The following EXOC4 variants were observed in gnomAD, a reference collection of about 807,000 sequenced individuals.
EXOC4 encodes the protein SEC8-like 1.
EXOC4 carries 71 observed loss-of-function variants against 107.2 expected under a neutral mutation model. The ratio of observed to expected loss-of-function variants is 0.66; its 90% CI spans 0.55 to 0.81. The LOEUF (loss-of-function observed/expected upper bound fraction) is 0.81, where lower values mean the gene tolerates loss of function less well. EXOC4 is among the 30% of genes least tolerant of loss of function. The probability of loss-of-function intolerance (pLI) is 0.00; values close to 1 mark genes in which losing one functional copy is unlikely to be tolerated. For synonymous variants in EXOC4, 456 were observed against 441.2 expected, an observed-to-expected ratio of 1.03 and a Z score of -0.42; for missense variants, 1,108 against 1,189.6, an observed-to-expected ratio of 0.93 and a Z score of 1.01.
At chr7:133,983,541 A>G (rs969344691) in intron 14 of EXOC4, among the ~76,000 whole-genome samples, 6 of 152,120 alleles carry the variant, frequency 3.9e-5, no homozygotes, top group Non-Finnish European at 5.9e-5. Context: ...CCAATTTTAA[A>G]TTGTCCTAAT....
intron 7 of EXOC4, among the ~76,000 whole-genome samples, chr7:133,453,385 A>G (rs1022229190): frequency 6.6e-6 from 1 of 152,288 alleles, no homozygotes; most frequent in Non-Finnish European, 1.5e-5. Flanking sequence ...ATTGTTATCA[A>G]AGTATCAAAA....
chr7:133,276,853 T>C (rs2150526934), intron 2 of EXOC4, among the ~76,000 whole-genome samples: 1 of 152,346 alleles, frequency 6.6e-6, no homozygotes, highest in East Asian at 1.9e-4. Context: ...CTTCTACAAA[T>C]ACTGATGATA....
intron 11 of EXOC4, among the ~76,000 whole-genome samples, chr7:133,873,100 G>C (rs1282216401): frequency 6.6e-6 from 1 of 152,230 alleles, no homozygotes; most frequent in African/African-American, 2.4e-5. Context: ...ATTTGAGGCA[G>C]GAGTTTGAGA....
chr7:133,927,707 G>T (rs1291278683), intron 13 of EXOC4, among the ~76,000 whole-genome samples: 2 of 152,142 alleles, frequency 1.3e-5, no homozygotes, highest in Non-Finnish European at 2.9e-5. Context: ...TTAAATAAGT[G>T]CAAGAGTAAA....
At chr7:134,063,001 G>A (rs76576074) in intron 17 of EXOC4, among the ~76,000 whole-genome samples, 1 of 152,170 alleles carries the variant, frequency 6.6e-6, no homozygotes, top group Admixed American at 6.5e-5. Flanking sequence ...AGACCATTCT[G>A]CGTTTGATTG....
chr7:133,974,719 C>G (rs1189681956), intron 14 of EXOC4, among the ~76,000 whole-genome samples: 1 of 152,098 alleles, frequency 6.6e-6, no homozygotes, highest in African/African-American at 2.4e-5. Flanking sequence ...TAAAATAGTT[C>G]AAAACACAAA....
At chr7:134,075,167 A>C in the EXOC4 span, among the ~76,000 whole-genome samples, 1 of 152,222 alleles carries the variant, frequency 6.6e-6, no homozygotes, top group African/African-American at 2.4e-5. Context: ...GCTGGCAGTC[A>C]GCAGATACAT....
chr7:133,781,957 A>G (rs1408236128), intron 10 of EXOC4, among the ~76,000 whole-genome samples: 1 of 152,114 alleles, frequency 6.6e-6, no homozygotes, highest in Admixed American at 6.5e-5. Context: ...TTCTAATTTT[A>G]ATTATTACTT....
At chr7:134,073,226 A>AAAG in the EXOC4 span, among the ~76,000 whole-genome samples, 2 of 34,726 alleles carry the variant, frequency 5.8e-5, no homozygotes, top group Non-Finnish European at 9.3e-5. Context: ...AAAAAAAAAA[A>AAAG]AAAAAACAAC....
At position 133,501,301 on chromosome 7, in the gene EXOC4, C is replaced by G. The variant is rs573620973; in HGVS notation, c.1417+21163C>G. 9.9e-5 allele frequency among the ~76,000 whole-genome samples: 15 copies of G among 152,110 alleles called. No individual in the cohort carries two copies. In the East Asian group the frequency reaches 2.9e-3, roughly 29 times the overall value. ...CTTTATGTTTTTCTTTGAGTGCCAC[C>G]ATGGCAGCAAATGGTATCTGAAACT... On this transcript the variant is annotated intron_variant, in intron 9 of 17. Transcript: ENST00000253861.
chr7:133,980,358 A>G (rs538368115), intron 14 of EXOC4, among the ~76,000 whole-genome samples: 17 of 152,358 alleles, frequency 1.1e-4, no homozygotes, highest in African/African-American at 4.1e-4. Flanking sequence ...GATCACTTCA[A>G]TGTGCTGAGC....
chr7:133,497,672 G>A (rs929709251), intron 9 of EXOC4, among the ~76,000 whole-genome samples: 13 of 151,914 alleles, frequency 8.6e-5, no homozygotes, highest in South Asian at 2.1e-4. Context: ...CTCGTGTTCC[G>A]CCCACCTCAG....
intron 2 of EXOC4, 106 bp downstream of exon 2, chr7:133,275,277 T>G (rs1793963615): frequency 2.2e-6 from 2 of 918,494 alleles, no homozygotes; most frequent in South Asian, 7.4e-5. Flanking sequence ...ACAAAGTGAT[T>G]CAAAATGCCA....
intron 7 of EXOC4, among the ~76,000 whole-genome samples, chr7:133,398,426 G>A (rs2150727807): frequency 6.6e-6 from 1 of 152,272 alleles, no homozygotes; most frequent in Non-Finnish European, 1.5e-5. Context: ...TTCTAGTTTA[G>A]TTACTTCCTT....
chr7:133,388,639 G>A (rs1428417418), intron 7 of EXOC4, among the ~76,000 whole-genome samples: 1 of 152,084 alleles, frequency 6.6e-6, no homozygotes, highest in Non-Finnish European at 1.5e-5. Flanking sequence ...GACAGAGTGA[G>A]ACTCTGTCTC....
rs367647817 is a variant in EXOC4 at position 133,369,634 on chromosome 7, T to C, written c.1008-5194T>C. On this transcript the variant is annotated intron_variant, in intron 6 of 17. Transcript: ENST00000253861. ...CACTTGCTTTTCTTATTCTGCATAT[T>C]ATCCCCGAGTGATCTCATCTCCTCA... Among the ~76,000 whole-genome samples, 37 of 152,254 alleles carry C rather than the reference T, an allele frequency of 2.4e-4. No individual in the cohort carries two copies. In the South Asian group the frequency reaches 7.1e-3, roughly 29 times the overall value.
At chr7:133,332,306 A>G (rs979861155) in intron 5 of EXOC4, among the ~76,000 whole-genome samples, 2 of 152,200 alleles carry the variant, frequency 1.3e-5, no homozygotes, top group Non-Finnish European at 2.9e-5. Context: ...TTTATTCCAT[A>G]AAGTGTTGCT....
intron 14 of EXOC4, among the ~76,000 whole-genome samples, chr7:133,940,126 C>CA (rs1473505546): frequency 1.3e-5 from 2 of 152,152 alleles, no homozygotes; most frequent in Non-Finnish European, 2.9e-5. Context: ...TTTCTAATGA[C>CA]ATACCATTCT....
chr7:133,721,407 A>G (rs1795102079), intron 10 of EXOC4, among the ~76,000 whole-genome samples: 1 of 152,178 alleles, frequency 6.6e-6, no homozygotes, highest in South Asian at 2.1e-4. Context: ...GATTCTCATA[A>G]TTTGAAACCA....
Sources: gnomAD v4.1 joint callset for allele counts (sites outside exome capture counted in the v4.1 genomes callset) on GRCh38, gnomAD v4.1.1 for gene constraint, MANE v1.5 for transcripts, NCBI Gene and HGNC (gene_info 2026-07-23, HGNC 2026-07-21) for gene names.